KCNH1: variants seen among roughly 807,000 people sequenced by gnomAD.
The protein encoded by KCNH1 is voltage-gated delayed rectifier potassium channel KCNH1.
A neutral mutation model predicts 69.2 loss-of-function variants in KCNH1; 27 were observed. The observed-to-expected ratio is 0.39, with a 90% CI of 0.29 to 0.54. The LOEUF (loss-of-function observed/expected upper bound fraction) is 0.54. KCNH1 is among the 20% of genes least tolerant of loss of function. KCNH1 has a pLI of 0.68. For synonymous variants in KCNH1, 456 were observed against 487.7 expected, an observed-to-expected ratio of 0.93 and a Z score of 0.86; for missense variants, 798 against 1,261.6, an observed-to-expected ratio of 0.63 and a Z score of 5.57.
At chr1:211,122,508 T>C (rs1038575809) in intron 1 of KCNH1, among the ~76,000 whole-genome samples, 2 of 152,220 alleles carry the variant, frequency 1.3e-5, no homozygotes, top group Admixed American at 6.5e-5. Context: ...GCCATTCTAC[T>C]ATAAAGACAC....
At chr1:210,804,299 C>T (rs1023399627) in intron 7 of KCNH1, 133 bp from the exon 8 acceptor site, 1 of 710,894 alleles carries the variant, frequency 1.4e-6, no homozygotes. Context: ...ACTGCCCTGA[C>T]TATTCTCAGG....
At position 210,787,160 on chromosome 1, in the gene KCNH1, CTT is replaced by C. The variant is rs56068839; in HGVS notation, c.1915+10346_1915+10347del. ...GCTATGCTCCAGGTATTTGGAACTA[CTT>C]TTTTTTTTTTTCCCAGATGTGTCTC... is the stretch of plus-strand genomic sequence containing the variant. On this transcript the variant is annotated intron_variant, in intron 9 of 10. Coordinates refer to ENST00000271751, the MANE Select transcript of KCNH1 (RefSeq NM_172362.3). 3.9e-3 allele frequency among the ~76,000 whole-genome samples: 571 copies of C among 147,240 alleles called. 5 individuals are homozygous for C. Among genetic ancestry groups the C allele is most frequent in the Admixed American group, 0.013 (188 of 14,722 alleles).
At chr1:210,860,570 C>T in intron 7 of KCNH1, 3 of 863,344 alleles carry the variant, frequency 3.5e-6, no homozygotes, top group South Asian at 1.3e-5. Context: ...GTAACTTCTT[C>T]ACTATTTTCA....
intron 7 of KCNH1, among the ~76,000 whole-genome samples, chr1:210,830,177 G>A (rs1168336572): frequency 6.6e-6 from 1 of 152,028 alleles, no homozygotes; most frequent in Non-Finnish European, 1.5e-5. Flanking sequence ...CTCTGTCTTT[G>A]CATGGGCCAC....
chr1:210,989,224 A>G (rs998763978), intron 6 of KCNH1, among the ~76,000 whole-genome samples: 6 of 152,236 alleles, frequency 3.9e-5, no homozygotes, highest in African/African-American at 1.2e-4. Flanking sequence ...CCTAAATTCA[A>G]GACTCAGAGA....
In KCNH1 at chr1:210,962,574, G is replaced by A. The variant is rs868744463; in HGVS notation, c.1033-42505C>T. Among the ~76,000 whole-genome samples the A allele has an allele frequency of 7.9e-5, 12 of 152,010 alleles. 1 individual carries two copies. Among genetic ancestry groups the A allele is most frequent in the Admixed American group, 3.9e-4 (6 of 15,234 alleles). ...GTTAACCATCAATCATGCTGCTGCA[G>A]ATAACTATAGTTTATTCATTTTTAG... On this transcript the variant is annotated intron_variant, in intron 6 of 10. Coordinates refer to ENST00000271751, the MANE Select transcript of KCNH1 (RefSeq NM_172362.3).
At chr1:210,917,226 AGAG>A (rs1558524736) in intron 7 of KCNH1, among the ~76,000 whole-genome samples, 2,093 of 95,422 alleles carry the variant, frequency 0.022, 18 homozygotes, top group Middle Eastern at 0.036. Flanking sequence ...AGAGAGAGAG[AGAG>A]AGAAAGAAAG....
In KCNH1 at chr1:211,133,111, T is replaced by A. The variant is rs1691906971; in HGVS notation, c.79+756A>T. On this transcript the variant is annotated intron_variant, in intron 1 of 10. Transcript: ENST00000271751. The surrounding 1 kb of genome is among the most constrained non-coding windows in gnomAD (Gnocchi z 5.4). Reference sequence around the variant, plus strand: ...TTTATAGGTTTGGTGAGATTGGGAATTTATAGGTGAGCAACACTTAAGGGT... The same window carrying A: ...TTTATAGGTTTGGTGAGATTGGGAAATTATAGGTGAGCAACACTTAAGGGT... 1 of 152,116 alleles carries A rather than the reference T, an allele frequency of 6.6e-6. No individual in the cohort carries two copies. Among genetic ancestry groups the A allele is most frequent in the Non-Finnish European group, 1.5e-5 (1 of 68,054 alleles). The allele number at this position is 152,116 out of a possible 1,614,324, so 9.4% of individuals were successfully genotyped here.
At chr1:210,995,388 A>G (rs1030047126) in intron 6 of KCNH1, among the ~76,000 whole-genome samples, 9 of 152,186 alleles carry the variant, frequency 5.9e-5, no homozygotes, top group Non-Finnish European at 1.2e-4. Flanking sequence ...TAACACAGCA[A>G]TTGTCTGCCA....
intron 7 of KCNH1, chr1:210,860,163 T>G: frequency 8.6e-7 from 1 of 1,157,932 alleles, no homozygotes; most frequent in Non-Finnish European, 1.3e-6. Context: ...CAGACAGAAG[T>G]GTCTTGGTAT....
intron 10 of KCNH1, among the ~76,000 whole-genome samples, chr1:210,707,193 A>G (rs978945965): frequency 6.6e-6 from 1 of 152,154 alleles, no homozygotes; most frequent in Middle Eastern, 3.2e-3. Flanking sequence ...ATCCATGTCC[A>G]GGATGGGTGG....
At chr1:210,963,776 G>C (rs1688343333) in intron 6 of KCNH1, among the ~76,000 whole-genome samples, 1 of 152,064 alleles carries the variant, frequency 6.6e-6, no homozygotes, top group African/African-American at 2.4e-5. Flanking sequence ...AATGCTAAAA[G>C]AAGTATGGGA....
At chr1:210,738,716 T>C (rs957081228) in intron 10 of KCNH1, among the ~76,000 whole-genome samples, 2 of 151,886 alleles carry the variant, frequency 1.3e-5, no homozygotes, top group Non-Finnish European at 2.9e-5. Flanking sequence ...CATAGGTGCA[T>C]GCCCCCACAC....
At chr1:210,879,871 TG>T in intron 7 of KCNH1, among the ~76,000 whole-genome samples, 1 of 152,274 alleles carries the variant, frequency 6.6e-6, no homozygotes, top group South Asian at 2.1e-4. Flanking sequence ...AAAAATCTTT[TG>T]GAATTAATAG....
chr1:210,930,148 CACCATCATTCTTCACAGA>C (rs1687653643), intron 6 of KCNH1, among the ~76,000 whole-genome samples: 1 of 152,066 alleles, frequency 6.6e-6, no homozygotes, highest in Non-Finnish European at 1.5e-5. Context: ...ATCAAAATAC[CACCATCATTCTTCACAGA>C]ACTAGAAAAA....
intron 6 of KCNH1, among the ~76,000 whole-genome samples, chr1:210,957,660 A>G (rs1033733345): frequency 2.0e-5 from 3 of 152,286 alleles, no homozygotes; most frequent in Admixed American, 2.0e-4. Flanking sequence ...TCTCTTTACC[A>G]TTATGAAATG....
At chr1:211,008,658 T>C (rs537454995) in intron 6 of KCNH1, among the ~76,000 whole-genome samples, 2 of 152,312 alleles carry the variant, frequency 1.3e-5, no homozygotes, top group African/African-American at 4.8e-5. Flanking sequence ...GTTATTTCAG[T>C]GGAGGGTAGT....
intron 5 of KCNH1, among the ~76,000 whole-genome samples, chr1:211,065,964 T>TTCTC (rs1690521597): frequency 6.6e-6 from 1 of 151,950 alleles, no homozygotes; most frequent in African/African-American, 2.4e-5. Context: ...GAGGCTGAGG[T>TTCTC]GAGAGGATCT....
chr1:210,769,456 T>C (rs59843981), intron 10 of KCNH1, among the ~76,000 whole-genome samples: 6,859 of 152,256 alleles, frequency 0.045, 301 homozygotes, highest in East Asian at 0.14. Flanking sequence ...TCAGTAACTA[T>C]AGTCCCAGCT....
Sources: allele counts gnomAD v4.1 joint callset (sites outside exome capture counted in the v4.1 genomes callset), GRCh38; gene constraint gnomAD v4.1.1; non-coding constraint Gnocchi (gnomAD v3.1); transcripts MANE v1.5; gene names NCBI Gene and HGNC (gene_info 2026-07-23, HGNC 2026-07-21).